RIOK2: variants seen among roughly 807,000 people sequenced by gnomAD.
The protein encoded by RIOK2 is RIO kinase 2, also known as serine/threonine-protein kinase RIO2.
A neutral mutation model predicts 62.4 loss-of-function variants in RIOK2; 46 were observed. That is an observed-to-expected ratio of 0.74 (90% CI 0.58 to 0.94). RIOK2 has a LOEUF of 0.94. Among genes scored for constraint, RIOK2 ranks in the 40% least tolerant of loss-of-function variants. The probability of loss-of-function intolerance (pLI) is 0.00; values close to 1 mark genes in which losing one functional copy is unlikely to be tolerated. For synonymous variants in RIOK2, 197 were observed against 216.0 expected (o/e 0.91, Z 0.77); for missense variants, 574 against 658.0 (o/e 0.87, Z 1.40).
chr5:97,178,736 G>A (rs111525413), intron 2 of RIOK2: 38,037 of 326,594 alleles, frequency 0.12, 2,809 homozygotes, highest in African/African-American at 0.27. Flanking sequence ...CAGTACCTAC[G>A]TGCTCTTCTG....
Position 97,160,936 on chromosome 5 carries a change from T to G in RIOK2, c.*2125A>C, listed in dbSNP as rs1258398337. 3 of 152,192 alleles carry G rather than the reference T, an allele frequency of 2.0e-5. No individual in the cohort carries two copies. The highest frequency in any genetic ancestry group is 2.9e-5 in the Non-Finnish European group (2 of 68,028). 9.4% of individuals were successfully genotyped at this position (152,192 alleles called of 1,614,324 possible). On this transcript the variant is annotated 3_prime_UTR_variant, in exon 10 of 10. Transcript: ENST00000283109. ...CAAGATGGTTACTAGAAAAACATCT[T>G]TCAGTCTGGATAAATACACAACAAA... is the stretch of plus-strand genomic sequence containing the variant.
Position 97,183,184 on chromosome 5 carries a change from T to C in RIOK2, c.8A>G (p.Lys3Arg). 1 of 1,614,122 alleles carries C rather than the reference T, an allele frequency of 6.2e-7. No homozygotes were observed. Among genetic ancestry groups the C allele is most frequent in the Non-Finnish European group, 8.5e-7 (1 of 1,179,974 alleles). MG[K>R]VNVAKLRYMS... ...GTAACGCAACTTGGCCACATTCACTTTCCCCATGGCGGCCCCAGTCCGAAC... is the reference window on the plus strand; with the variant it reads ...GTAACGCAACTTGGCCACATTCACTCTCCCCATGGCGGCCCCAGTCCGAAC... Residue 3 changes from lysine (K) to arginine (R), a missense_variant, in exon 1 of 10, where the codon AAA becomes AGA. Transcript: ENST00000283109.
rs1348277808 is a variant in RIOK2 at position 97,178,780 on chromosome 5, A to ATGCTCTTCTGCAGTACTCTACG, written c.205+253_205+274dup. 1,994 of 349,448 alleles carry ATGCTCTTCTGCAGTACTCTACG rather than the reference A, an allele frequency of 5.7e-3. 2 individuals carry two copies. The highest frequency in any genetic ancestry group is 0.013 in the East Asian group (175 of 13,278). The allele number at this position is 349,448 out of a possible 1,614,324, so 21.6% of individuals were successfully genotyped here. On this transcript the variant is annotated intron_variant, in intron 2 of 9. Coordinates refer to ENST00000283109, the MANE Select transcript of RIOK2 (RefSeq NM_018343.3). ...TACATGCTCTTCTGCAGTACTCTAC[A>ATGCTCTTCTGCAGTACTCTACG]TGCTCTTCTGCAGTACTCTACGTGC...
In RIOK2 at chr5:97,162,450, C is replaced by CCAA. The variant is rs1454912896; in HGVS notation, c.*608_*610dup. 1 of 152,480 alleles carries CCAA rather than the reference C, an allele frequency of 6.6e-6. No homozygotes were observed. The highest frequency in any genetic ancestry group is 1.5e-5 in the Non-Finnish European group (1 of 68,240). The allele number at this position is 152,480 out of a possible 1,614,324, so 9.4% of individuals were successfully genotyped here. A position where few individuals can be genotyped will look rare whatever the true frequency, so the allele number is the denominator to read the frequency against. On this transcript the variant is annotated 3_prime_UTR_variant, in exon 10 of 10. Transcript: ENST00000283109. The stretch of plus-strand genomic sequence containing the variant: ...GCTACTCAGGCCTGCTTACAAGCTG[C>CCAA]CAACTGTAAAAATTGTGGTAGACTA...
intron 8 of RIOK2, 87 bp from the exon 9 acceptor site, chr5:97,165,234 C>G (rs544216842): frequency 3.4e-6 from 2 of 595,288 alleles, no homozygotes; most frequent in South Asian, 1.2e-4. Context: ...TTTTTGCATG[C>G]AGCAAAACTG....
At position 97,179,059 on chromosome 5, in the gene RIOK2, G is replaced by A; in HGVS notation, c.201C>T (p.Thr67=). 6.2e-7 allele frequency: 1 copy of A among 1,613,654 alleles called. No individual in the cohort carries two copies. The highest frequency in any genetic ancestry group is 8.5e-7 in the Non-Finnish European group (1 of 1,179,874). Reference sequence around the variant, plus strand: ...ATGGTGCCTCAAAATACTTACTTTTGGTACGCTCCCAAGCTATGAGTTTAT... The same window carrying A: ...ATGGTGCCTCAAAATACTTACTTTTAGTACGCTCCCAAGCTATGAGTTTAT... ...VKHKLIAWER[T]KTVQGYRLTN... Residue 67 remains threonine (T), a synonymous_variant, in exon 2 of 10, where the codon ACC becomes ACT. Coordinates refer to ENST00000283109, the MANE Select transcript of RIOK2 (RefSeq NM_018343.3).
In RIOK2 at chr5:97,180,005, T is replaced by TATATATATA. The variant is rs1749313077; in HGVS notation, c.67-821_67-813dup. Among the ~76,000 whole-genome samples the TATATATATA allele has an allele frequency of 2.2e-4, 6 of 27,462 alleles. 1 individual carries two copies. Among genetic ancestry groups the TATATATATA allele is most frequent in the African/African-American group, 7.9e-4 (6 of 7,608 alleles). The allele number at this position is 27,462 out of a possible 152,430, so 18.0% of individuals were successfully genotyped here. The stretch of plus-strand genomic sequence containing the variant: ...ATATATATATAAAATATATATATAT[T>TATATATATA]ATATATATATAATATATATATAATA... On this transcript the variant is annotated intron_variant, in intron 1 of 9. Transcript: ENST00000283109.
chr5:97,168,075 T>C (rs1347634116), intron 7 of RIOK2, 84 bp from the exon 8 acceptor site: 1 of 1,355,854 alleles, frequency 7.4e-7, no homozygotes. Flanking sequence ...TGATAAATTA[T>C]GATTCAAGTG....
At chr5:97,163,897 TTC>T (rs1296436495) in intron 9 of RIOK2, among the ~76,000 whole-genome samples, 1 of 152,028 alleles carries the variant, frequency 6.6e-6, no homozygotes, top group Non-Finnish European at 1.5e-5. Context: ...AACAAGGGTC[TTC>T]TTTTTTTTTT....
chr5:97,178,946 G>T, intron 2 of RIOK2, 109 bp downstream of exon 2: 1 of 1,246,836 alleles, frequency 8.0e-7, no homozygotes, highest in South Asian at 1.3e-5. Flanking sequence ...TCAGTTCTTC[G>T]TCTAATGCTT....
At chr5:97,167,423 A>C in intron 8 of RIOK2, 44 bp downstream of exon 8, 3 of 1,573,026 alleles carry the variant, frequency 1.9e-6, no homozygotes, top group Non-Finnish European at 2.6e-6. Flanking sequence ...ACAAAGTATC[A>C]GTCTCAAGAC....
intron 4 of RIOK2, among the ~76,000 whole-genome samples, chr5:97,174,002 A>G (rs918009118): frequency 6.6e-6 from 1 of 152,192 alleles, no homozygotes; most frequent in African/African-American, 2.4e-5. Context: ...TTGCACCAAC[A>G]TATACTTGTA....
chr5:97,165,908 T>C (rs1229596475), intron 8 of RIOK2, among the ~76,000 whole-genome samples: 1 of 152,172 alleles, frequency 6.6e-6, no homozygotes, highest in Non-Finnish European at 1.5e-5. Context: ...TTTGAGGGCG[T>C]TTCTGAATCA....
chr5:97,177,287 A>G lies in RIOK2; in HGVS notation c.327T>C (p.Ile109=). 1 of 1,609,086 alleles carries G rather than the reference A, an allele frequency of 6.2e-7. No homozygotes were observed. Among genetic ancestry groups the G allele is most frequent in the African/African-American group, 1.3e-5 (1 of 74,760 alleles). ...NQMGVGKESD[I]YIVANEEGQQ... ...GTCCTTCTTCATTTGCAACAATGTAAATATCTAGAGACAAAATTTCAAAAA... is the reference window on the plus strand; with the variant it reads ...GTCCTTCTTCATTTGCAACAATGTAGATATCTAGAGACAAAATTTCAAAAA... The change falls in exon 4 of 10, where the codon ATT becomes ATC. Residue 109 remains isoleucine, a synonymous_variant. Transcript: ENST00000283109.
Position 97,163,212 on chromosome 5 carries a change from T to C in RIOK2, c.1508A>G (p.Gln503Arg), listed in dbSNP as rs1487181675. 4.3e-6 allele frequency: 7 copies of C among 1,613,298 alleles called. No homozygotes were observed. Among genetic ancestry groups the C allele is most frequent in the Non-Finnish European group, 5.9e-6 (7 of 1,179,734 alleles). Residue 503 changes from glutamine (Q) to arginine (R), a missense_variant, in exon 10 of 10, where the codon CAG (glutamine) becomes CGG (arginine). By Grantham distance (43) the Gln-to-Arg change is conservative. Transcript: ENST00000283109. ...TTTTGTCAACTGACGTTTCACCTTCTGTTTCACCAGTTCCTGGAAAGATTT... is the reference window on the plus strand; with the variant it reads ...TTTTGTCAACTGACGTTTCACCTTCCGTTTCACCAGTTCCTGGAAAGATTT... ...CSTIPPELVK[Q>R]KVKRQLTKQQ... is the part of the protein sequence containing the mutation.
chr5:97,169,373 C>A (rs980501138), intron 6 of RIOK2, among the ~76,000 whole-genome samples: 1 of 152,148 alleles, frequency 6.6e-6, no homozygotes, highest in Non-Finnish European at 1.5e-5. Flanking sequence ...TGCAATAACA[C>A]CCAAAGGGAT....
rs1401209641 is a variant in RIOK2, at chr5:97,167,709, ACT to A, written c.1153_1154del (p.Ser385CysfsTer2). The stretch of plus-strand genomic sequence containing the variant: ...TCATTTCAAAACTCCGTGCATCAGC[ACT>A]CTCTTCTGATAAACTGTCTTCCTTT... ...QIKEDSLSEE[S>X]ADARSFEMTE... On this transcript the variant is annotated frameshift_variant, in exon 8 of 10. Coordinates refer to ENST00000283109, the MANE Select transcript of RIOK2 (RefSeq NM_018343.3). LOFTEE classifies it high-confidence loss of function. 2.5e-6 allele frequency: 4 copies of A among 1,614,094 alleles called. No individual in the cohort carries two copies. Among genetic ancestry groups the A allele is most frequent in the East Asian group, 2.2e-5 (1 of 44,886 alleles).
intron 5 of RIOK2, among the ~76,000 whole-genome samples, chr5:97,172,780 G>A (rs188097806): frequency 3.3e-5 from 5 of 152,276 alleles, no homozygotes; most frequent in Admixed American, 2.0e-4. Flanking sequence ...CTCCTGTCCC[G>A]TTAGTACTTC....
intron 6 of RIOK2, 85 bp downstream of exon 6, chr5:97,171,121 A>G (rs1358613943): frequency 1.5e-5 from 15 of 967,990 alleles, no homozygotes; most frequent in South Asian, 6.8e-5. Flanking sequence ...AGATCGCGCC[A>G]TTGCACTCCA....
Sources: gnomAD v4.1 joint callset for allele counts (sites outside exome capture counted in the v4.1 genomes callset) on GRCh38, gnomAD v4.1.1 for gene constraint, MANE v1.5 for transcripts, NCBI Gene and HGNC (gene_info 2026-07-23, HGNC 2026-07-21) for gene names.